Variants in ATG101 observed in about 807,000 individuals in gnomAD.
The protein encoded by ATG101 is autophagy-related protein 101.
ATG101 carries 6 observed loss-of-function variants against 16.7 expected under a neutral mutation model. That is an observed-to-expected ratio of 0.36 (90% CI 0.20 to 0.71). ATG101 has a LOEUF of 0.71. Among genes scored for constraint, ATG101 ranks in the 30% least tolerant of loss-of-function variants. ATG101 has a pLI of 0.57. For missense variants in ATG101, 200 were observed against 292.5 expected (o/e 0.68, Z 2.31); for synonymous variants, 108 against 118.1 (o/e 0.91, Z 0.56).
chr12:52,069,619 C>CTCCGCT (rs954982141), upstream of ATG101: 2 of 152,242 alleles, frequency 1.3e-5, no homozygotes, highest in African/African-American at 4.8e-5. Context: ...CCGCCGATGA[C>CTCCGCT]TCCGCTCGGC....
rs1565661712 is a variant in ATG101, at chr12:52,073,826, T to C, written c.176T>C (p.Phe59Ser). 6.2e-7 allele frequency: 1 copy of C among 1,614,222 alleles called. No individual in the cohort carries two copies. Reference sequence around the variant, plus strand: ...GGCACCCAGGATGTTGACTGTGACTTCATCGACTTCACTTATGTGCGTGTC... The same window carrying C: ...GGCACCCAGGATGTTGACTGTGACTCCATCGACTTCACTTATGTGCGTGTC... ...TVGTQDVDCDFIDFTYVRVSS... is the reference protein window; with the variant it reads ...TVGTQDVDCDSIDFTYVRVSS... Residue 59 changes from phenylalanine (F) to serine (S), a missense_variant, in exon 3 of 4, where the codon TTC becomes TCC. By Grantham distance (155) the Phe-to-Ser change is radical. Coordinates refer to ENST00000336854, the MANE Select transcript of ATG101 (RefSeq NM_021934.5).
chr12:52,065,630 G>C (rs531758299), upstream of ATG101, among the ~76,000 whole-genome samples: 2 of 152,318 alleles, frequency 1.3e-5, no homozygotes, highest in East Asian at 1.9e-4. Flanking sequence ...GTGAGATAAA[G>C]AGGTGAGAGG....
chr12:52,071,970 GTTA>G (rs1409165030), intron 2 of ATG101, among the ~76,000 whole-genome samples: 1 of 152,142 alleles, frequency 6.6e-6, no homozygotes. Context: ...CATGTATTTA[GTTA>G]TTATGTTCTA....
upstream of ATG101, among the ~76,000 whole-genome samples, chr12:52,068,990 C>CA (rs869030833): frequency 0.038 from 1,283 of 33,452 alleles, 176 homozygotes; most frequent in East Asian, 0.057. Flanking sequence ...GACGCCGTCT[C>CA]AAAAAAAAAA....
At chr12:52,073,291 G>A (rs772199269) in intron 2 of ATG101, among the ~76,000 whole-genome samples, 5 of 152,202 alleles carry the variant, frequency 3.3e-5, no homozygotes, top group Admixed American at 6.5e-5. Context: ...GGCAGGGGCC[G>A]TGCTTGCCTT....
upstream of ATG101, among the ~76,000 whole-genome samples, chr12:52,066,152 C>T (rs564071097): frequency 6.6e-5 from 10 of 152,286 alleles, no homozygotes; most frequent in East Asian, 1.9e-3. Flanking sequence ...GTTGGGATTA[C>T]AGGTGTGAGC....
intron 2 of ATG101, chr12:52,070,927 C>G (rs1237773427): frequency 6.6e-6 from 1 of 152,156 alleles, no homozygotes; most frequent in Non-Finnish European, 1.5e-5. Context: ...CCTTCTTGAT[C>G]CAAGCATGTA....
chr12:52,076,904 T>A lies in ATG101; in HGVS notation c.371T>A (p.Val124Asp). The change falls in exon 4 of 4, where the codon GTC becomes GAC. Residue 124 changes from valine (V) to aspartate (D), a missense_variant. Val to Asp is a radical substitution (Grantham distance 152). Coordinates refer to ENST00000336854, the MANE Select transcript of ATG101 (RefSeq NM_021934.5). ...DECIPWEVWT[V>D]KVHVVALATE... ...TGCATCCCATGGGAAGTGTGGACGG[T>A]CAAGGTGCATGTGGTAGCCCTGGCC... 6.2e-7 allele frequency: 1 copy of A among 1,614,090 alleles called. No homozygotes were observed. Among genetic ancestry groups the A allele is most frequent in the Non-Finnish European group, 8.5e-7 (1 of 1,180,022 alleles).
At chr12:52,070,589 G>T (rs896742345) in intron 2 of ATG101, 106 bp downstream of exon 2, 1 of 152,362 alleles carries the variant, frequency 6.6e-6, no homozygotes, top group East Asian at 1.9e-4. Flanking sequence ...CCCTACTCTG[G>T]TGGGCCCTGC....
upstream of ATG101, among the ~76,000 whole-genome samples, chr12:52,069,002 A>G (rs1050817639): frequency 4.3e-5 from 6 of 139,992 alleles, no homozygotes; most frequent in Non-Finnish European, 8.1e-5. Context: ...AAAAAAAAAA[A>G]AAAAAAAAAA....
chr12:52,076,655 G>T lies in ATG101; in HGVS notation c.253-131G>T, dbSNP rs571930612. ...AGCCCAAATCGTTTACCCTCTCCCAGTCTTGTTTCCTTGCCATGCTTGGAT... is the reference window on the plus strand; with the variant it reads ...AGCCCAAATCGTTTACCCTCTCCCATTCTTGTTTCCTTGCCATGCTTGGAT... On this transcript the variant is annotated intron_variant, in intron 3 of 3. Coordinates refer to ENST00000336854, the MANE Select transcript of ATG101 (RefSeq NM_021934.5). The T allele has an allele frequency of 3.5e-6, 4 of 1,138,686 alleles. No individual in the cohort carries two copies. The South Asian group carries it at 6.4e-5, about 18-fold the overall frequency. The allele number at this position is 1,138,686 out of a possible 1,614,324, so 70.5% of individuals were successfully genotyped here.
intron 2 of ATG101, chr12:52,070,987 G>A (rs1182330582): frequency 6.6e-6 from 1 of 152,148 alleles, no homozygotes; most frequent in Admixed American, 6.5e-5. Flanking sequence ...TCCTGGGTTG[G>A]GCTCAATTGA....
At chr12:52,074,086 C>CCGGGT (rs397751079) in intron 3 of ATG101, among the ~76,000 whole-genome samples, 184 bp downstream of exon 3, 2 of 151,680 alleles carry the variant, frequency 1.3e-5, no homozygotes, top group East Asian at 3.9e-4. Context: ...GGCGCGCGGG[C>CCGGGT]GCGTGTGTGT....
chr12:52,074,082 C>CGGGCT (rs1939696207), intron 3 of ATG101, among the ~76,000 whole-genome samples, 180 bp downstream of exon 3: 1 of 98,022 alleles, frequency 1.0e-5, no homozygotes, highest in Non-Finnish European at 2.3e-5. Flanking sequence ...GGAGGGCGCG[C>CGGGCT]GGGCGCGTGT....
chr12:52,065,534 A>AT (rs1939540343), upstream of ATG101, among the ~76,000 whole-genome samples: 1 of 116,786 alleles, frequency 8.6e-6, no homozygotes, highest in Admixed American at 9.7e-5. Flanking sequence ...TGATGGGACT[A>AT]CCAGAGGGGC....
upstream of ATG101, among the ~76,000 whole-genome samples, chr12:52,067,947 T>G (rs185144290): frequency 7.9e-5 from 12 of 152,242 alleles, no homozygotes; most frequent in East Asian, 2.3e-3. Flanking sequence ...TAAATTTATA[T>G]GTACACATAT....
chr12:52,076,876 G>C lies in ATG101; in HGVS notation c.343G>C (p.Glu115Gln), dbSNP rs1052975287. ...KKKSRWPFSDECIPWEVWTVK... is the reference protein window; with the variant it reads ...KKKSRWPFSDQCIPWEVWTVK... Reference sequence around the variant, plus strand: ...GAAGTCTCGCTGGCCATTCTCAGACGAGTGCATCCCATGGGAAGTGTGGAC... The same window carrying C: ...GAAGTCTCGCTGGCCATTCTCAGACCAGTGCATCCCATGGGAAGTGTGGAC... Residue 115 changes from glutamate to glutamine, a missense_variant, in exon 4 of 4, where the codon GAG becomes CAG. Coordinates refer to ENST00000336854, the MANE Select transcript of ATG101 (RefSeq NM_021934.5). 6.2e-7 allele frequency: 1 copy of C among 1,614,190 alleles called. No homozygotes were observed. Among genetic ancestry groups the C allele is most frequent in the Non-Finnish European group, 8.5e-7 (1 of 1,180,034 alleles).
At chr12:52,067,392 T>G (rs1939560212), upstream of ATG101, among the ~76,000 whole-genome samples, 1 of 152,178 alleles carries the variant, frequency 6.6e-6, no homozygotes, top group Admixed American at 6.5e-5. Context: ...AGAGAGCAGG[T>G]GTGAAGCATT....
At position 52,073,618 on chromosome 12, in the gene ATG101, T is replaced by C. The variant is rs955578086; in HGVS notation, c.-33T>C. The C allele has an allele frequency of 1.2e-6, 2 of 1,600,890 alleles. No homozygotes were observed. The highest frequency in any genetic ancestry group is 1.7e-6 in the Non-Finnish European group (2 of 1,170,562). ...TGAAGATCCCCTGTCTTTATCCTAG[T>C]TCCACACCTTGGTGTGGGTTACTGG... On this transcript the variant is annotated 5_prime_UTR_variant, in exon 3 of 4. Transcript: ENST00000336854.
Sources: allele counts gnomAD v4.1 joint callset (sites outside exome capture counted in the v4.1 genomes callset), GRCh38; gene constraint gnomAD v4.1.1; transcripts MANE v1.5; gene names NCBI Gene and HGNC (gene_info 2026-07-23, HGNC 2026-07-21).